SOS1: variants seen among roughly 807,000 people sequenced by gnomAD.
SOS1 encodes the protein son of sevenless homolog 1.
A neutral mutation model predicts 157.6 loss-of-function variants in SOS1; 25 were observed. The ratio of observed to expected loss-of-function variants is 0.16; its 90% CI spans 0.12 to 0.22. The LOEUF (loss-of-function observed/expected upper bound fraction) is 0.22, where lower values mean the gene tolerates loss of function less well. Among genes scored for constraint, SOS1 ranks in the 10% least tolerant of loss-of-function variants. SOS1 has a pLI of 1.00. For missense variants in SOS1, 1,237 were observed against 1,599.1 expected, an observed-to-expected ratio of 0.77 and a Z score of 3.86; for synonymous variants, 528 against 534.0, an observed-to-expected ratio of 0.99 and a Z score of 0.16.
At chr2:38,993,639 C>T (rs888957082) in intron 20 of SOS1, 17 of 152,228 alleles carry the variant, frequency 1.1e-4, no homozygotes, top group Non-Finnish European at 1.9e-4. Flanking sequence ...TCTTAAAAAT[C>T]GAATTTGACC....
chr2:39,108,388 T>TA (rs1244759041), intron 1 of SOS1, among the ~76,000 whole-genome samples: 1 of 152,166 alleles, frequency 6.6e-6, no homozygotes, highest in East Asian at 1.9e-4. Flanking sequence ...GCTGACAAGA[T>TA]AAAATGCAAT....
intron 17 of SOS1, among the ~76,000 whole-genome samples, chr2:39,005,844 A>G (rs538215230): frequency 7.9e-5 from 12 of 152,228 alleles, no homozygotes; most frequent in African/African-American, 2.9e-4. Context: ...AGTAGGAAAG[A>G]GATATTGAAT....
intron 9 of SOS1, chr2:39,023,767 C>A (rs1669873831): frequency 2.2e-6 from 1 of 460,480 alleles, no homozygotes; most frequent in Non-Finnish European, 3.9e-6. Flanking sequence ...TCTGTCTCTC[C>A]TTCAGCTTAC....
At position 39,046,793 on chromosome 2, in the gene SOS1, G is replaced by A. The variant is rs145209521; in HGVS notation, c.864+4351C>T. Among the ~76,000 whole-genome samples, 525 of 152,126 alleles carry A rather than the reference G, an allele frequency of 3.5e-3. 9 individuals carry two copies. Among genetic ancestry groups the A allele is most frequent in the Middle Eastern group, 3.4e-3 (1 of 292 alleles). On this transcript the variant is annotated intron_variant, in intron 6 of 22. Coordinates refer to ENST00000402219, the MANE Select transcript of SOS1 (RefSeq NM_005633.4). ...GCTGGGATTACAGGTGCAAGCCACC[G>A]GCCTACATCTACCAATTTCTTTTTC... is the stretch of plus-strand genomic sequence containing the variant.
chr2:39,030,288 G>A (rs560774281), intron 8 of SOS1, among the ~76,000 whole-genome samples: 2 of 151,468 alleles, frequency 1.3e-5, no homozygotes, highest in African/African-American at 4.8e-5. Flanking sequence ...AAAAGGCTGG[G>A]TGCATTGGCT....
intron 15 of SOS1, among the ~76,000 whole-genome samples, chr2:39,007,808 AACAC>A (rs1669328462): frequency 6.6e-6 from 1 of 152,084 alleles, no homozygotes; most frequent in Non-Finnish European, 1.5e-5. Flanking sequence ...AAATTATTAA[AACAC>A]ACATACACAC....
intron 15 of SOS1, among the ~76,000 whole-genome samples, chr2:39,008,717 G>C (rs1427992013): frequency 1.3e-5 from 2 of 152,152 alleles, no homozygotes; most frequent in Non-Finnish European, 2.9e-5. Context: ...GAAAATTGTT[G>C]AAAACATCAG....
upstream of SOS1, among the ~76,000 whole-genome samples, chr2:39,123,209 C>T (rs116551013): frequency 3.7e-4 from 56 of 152,282 alleles, no homozygotes; most frequent in African/African-American, 1.2e-3. Flanking sequence ...TCCGATCACT[C>T]CAAGTAATTC....
At chr2:39,018,711 T>C (rs1445348303) in intron 10 of SOS1, among the ~76,000 whole-genome samples, 1 of 151,720 alleles carries the variant, frequency 6.6e-6, no homozygotes, top group East Asian at 1.9e-4. Context: ...CATAAAAAAG[T>C]TATTTATGTA....
intron 2 of SOS1, among the ~76,000 whole-genome samples, chr2:39,059,479 T>C (rs1472031519): frequency 6.6e-6 from 1 of 152,166 alleles, no homozygotes; most frequent in African/African-American, 2.4e-5. Flanking sequence ...TATAATTCAC[T>C]TCAAAAAGGC....
At chr2:39,069,190 CAAAAAAAAAAAAAAAAAAAAAA>C (rs869178369) in intron 1 of SOS1, among the ~76,000 whole-genome samples, 1 of 46,734 alleles carries the variant, frequency 2.1e-5, no homozygotes, top group Admixed American at 4.3e-4. Flanking sequence ...TACCAAAAAG[CAAAAAAAAAAAAAAAAAAAAAA>C]AAAAAAAAAA....
intron 1 of SOS1, among the ~76,000 whole-genome samples, chr2:39,093,587 G>A (rs951171273): frequency 1.3e-5 from 2 of 152,184 alleles, no homozygotes; most frequent in Non-Finnish European, 2.9e-5. Flanking sequence ...TATTTGTTAA[G>A]AAATGAGAGG....
intron 1 of SOS1, among the ~76,000 whole-genome samples, chr2:39,083,145 C>T (rs1474371656): frequency 6.6e-6 from 1 of 152,014 alleles, no homozygotes; most frequent in Non-Finnish European, 1.5e-5. Context: ...TGCTTTTTCC[C>T]CTTGGCCCCT....
chr2:39,046,914 A>C (rs1267768979), intron 6 of SOS1, among the ~76,000 whole-genome samples: 2 of 152,248 alleles, frequency 1.3e-5, no homozygotes. Context: ...AGTGTCTACA[A>C]GTAGTAAACG....
intron 1 of SOS1, among the ~76,000 whole-genome samples, chr2:39,110,430 C>A (rs751867895): frequency 6.6e-6 from 1 of 151,648 alleles, no homozygotes; most frequent in Non-Finnish European, 1.5e-5. Context: ...TACATACACA[C>A]GAATCATGTA....
rs1188721742 is a variant in SOS1, at chr2:39,058,710, A to G, written c.308T>C (p.Leu103Ser). The G allele has an allele frequency of 6.2e-7, 1 of 1,612,928 alleles. No homozygotes were observed. Among genetic ancestry groups the G allele is most frequent in the Non-Finnish European group, 8.5e-7 (1 of 1,179,140 alleles). Residue 103 changes from leucine (L) to serine (S), a missense_variant, in exon 3 of 23, where the codon TTA becomes TCA. Physicochemically the swap from Leu to Ser is moderately radical, Grantham distance 145 (BLOSUM62 -2). Transcript: ENST00000402219. ...ATGAATTTTTTCTACTGGGAGAGATAAAGGGTTTCTTCGCTTCCTCTTTTC... is the reference window on the plus strand; with the variant it reads ...ATGAATTTTTTCTACTGGGAGAGATGAAGGGTTTCTTCGCTTCCTCTTTTC... Reference protein sequence around the residue: ...AIEKRKRRNPLSLPVEKIHPL... With the variant: ...AIEKRKRRNPSSLPVEKIHPL...
At chr2:39,106,591 A>G (rs1258246296) in intron 1 of SOS1, among the ~76,000 whole-genome samples, 1 of 49,324 alleles carries the variant, frequency 2.0e-5, no homozygotes, top group East Asian at 4.2e-4. Context: ...ACTCCGTCTC[A>G]AAAAAAAAAA....
At chr2:39,096,776 C>G (rs1241814877) in intron 1 of SOS1, among the ~76,000 whole-genome samples, 5 of 151,890 alleles carry the variant, frequency 3.3e-5, no homozygotes, top group African/African-American at 4.8e-5. Context: ...GTCCCAGCTA[C>G]TCGGGAGGCT....
At chr2:39,124,772 C>T (rs1448411456), upstream of SOS1, among the ~76,000 whole-genome samples, 1 of 152,190 alleles carries the variant, frequency 6.6e-6, no homozygotes, top group Non-Finnish European at 1.5e-5. Flanking sequence ...CTAGCTGTAT[C>T]TCTCACTCAA....
Sources: allele counts gnomAD v4.1 joint callset (sites outside exome capture counted in the v4.1 genomes callset), GRCh38; gene constraint gnomAD v4.1.1; transcripts MANE v1.5; gene names NCBI Gene and HGNC (gene_info 2026-07-23, HGNC 2026-07-21).